KIF13A: variants seen among roughly 807,000 people sequenced by gnomAD.
The protein encoded by KIF13A is kinesin family member 13A, also known as kinesin-like protein KIF13A.
Under a neutral mutation model 212.2 loss-of-function variants are expected in KIF13A, and 79 were observed. The ratio of observed to expected loss-of-function variants is 0.37; its 90% CI spans 0.31 to 0.45. KIF13A has a LOEUF of 0.45. Among genes scored for constraint, KIF13A ranks in the 20% least tolerant of loss-of-function variants. KIF13A has a pLI of 1.00. For synonymous variants in KIF13A, 789 were observed against 808.6 expected, an observed-to-expected ratio of 0.98 and a Z score of 0.41; for missense variants, 1,901 against 2,209.0, an observed-to-expected ratio of 0.86 and a Z score of 2.79.
rs1766805208 is a variant in KIF13A at position 17,844,218 on chromosome 6, G to A, written c.830+5159C>T. ...TGAGTAAAGGACAGTACCATCACAT[G>A]ACAGGAGAGCAAAGAAAATGGTAAT... On this transcript the variant is annotated intron_variant, in intron 9 of 38. Transcript: ENST00000259711. 1.3e-5 allele frequency among the ~76,000 whole-genome samples: 2 copies of A among 152,122 alleles called. 1 individual carries two copies. The highest frequency in any genetic ancestry group is 4.1e-4 in the South Asian group (2 of 4,834).
chr6:17,822,005 G>C (rs1562017646), intron 16 of KIF13A: 1 of 1,301,808 alleles, frequency 7.7e-7, no homozygotes, highest in Middle Eastern at 2.3e-4. Context: ...AGCTCCACTG[G>C]AACTGGGTAA....
chr6:17,916,003 C>G (rs182649624), intron 2 of KIF13A, among the ~76,000 whole-genome samples: 9 of 151,778 alleles, frequency 5.9e-5, no homozygotes, highest in African/African-American at 1.9e-4. Flanking sequence ...AATCCCATGT[C>G]TATTACAAAT....
At chr6:17,893,711 G>A (rs1270284016) in intron 3 of KIF13A, among the ~76,000 whole-genome samples, 1 of 151,446 alleles carries the variant, frequency 6.6e-6, no homozygotes, top group African/African-American at 2.4e-5. Context: ...GATGTCAGAT[G>A]TAGATTTCTC....
intron 2 of KIF13A, among the ~76,000 whole-genome samples, chr6:17,962,777 G>A (rs1182703816): frequency 6.6e-6 from 1 of 150,538 alleles, no homozygotes. Flanking sequence ...TACATTGGAG[G>A]TGTAACACAG....
intron 18 of KIF13A, among the ~76,000 whole-genome samples, 187 bp from the exon 19 acceptor site, chr6:17,805,802 C>T (rs1773118774): frequency 6.6e-6 from 1 of 152,090 alleles, no homozygotes; most frequent in African/African-American, 2.4e-5. Context: ...CTCATGCACA[C>T]TTTTTAATTT....
intron 9 of KIF13A, among the ~76,000 whole-genome samples, chr6:17,845,472 A>G (rs971790578): frequency 3.5e-4 from 54 of 152,228 alleles, no homozygotes; most frequent in Non-Finnish European, 4.1e-4. Flanking sequence ...TATTGATAAG[A>G]TGTTAGCTTA....
At position 17,828,140 on chromosome 6, in the gene KIF13A, CTTAACT is replaced by C. The variant is rs910962337; in HGVS notation, c.1532+94_1532+99del. The C allele has an allele frequency of 2.4e-5, 30 of 1,267,314 alleles. No homozygotes were observed. In the African/African-American group the frequency reaches 4.1e-4, roughly 17 times the overall value. 78.5% of individuals were successfully genotyped at this position (1,267,314 alleles called of 1,614,324 possible). ...GGCCCCCTGAGGACCCCCATGTATC[CTTAACT>C]TTAATATAGCTGAAAGCAAACAGAA... On this transcript the variant is annotated intron_variant, in intron 14 of 38. Coordinates refer to ENST00000259711, the MANE Select transcript of KIF13A (RefSeq NM_022113.6). The surrounding 1 kb of genome is among the most constrained non-coding windows in gnomAD (Gnocchi z 4.3).
intron 3 of KIF13A, among the ~76,000 whole-genome samples, chr6:17,875,983 G>T (rs1015697897): frequency 1.3e-5 from 2 of 152,116 alleles, no homozygotes; most frequent in African/African-American, 4.8e-5. Context: ...AGACTTTTCA[G>T]AAATGAAGTC....
At chr6:17,808,362 G>A (rs1763157016) in intron 18 of KIF13A, among the ~76,000 whole-genome samples, 1 of 150,162 alleles carries the variant, frequency 6.7e-6, no homozygotes, top group African/African-American at 2.5e-5. Context: ...CTCCAGCCTG[G>A]GTGACAGAGC....
chr6:17,812,033 CTTTTCCTTTCT>C (rs1265071134), intron 17 of KIF13A: 5 of 152,136 alleles, frequency 3.3e-5, no homozygotes, highest in East Asian at 3.9e-4. Flanking sequence ...GACTTCTACA[CTTTTCCTTTCT>C]TTTAAGAATT....
chr6:17,876,885 T>G (rs975957522), intron 3 of KIF13A, among the ~76,000 whole-genome samples: 4 of 152,194 alleles, frequency 2.6e-5, no homozygotes, highest in African/African-American at 9.6e-5. Flanking sequence ...TCCTCCCACC[T>G]TGGCTTCCCA....
At position 17,825,891 on chromosome 6, in the gene KIF13A, A is replaced by G. The variant is rs1764921958; in HGVS notation, c.1663T>C (p.Phe555Leu). 2 of 1,614,020 alleles carry G rather than the reference A, an allele frequency of 1.2e-6. No homozygotes were observed. The highest frequency in any genetic ancestry group is 1.7e-6 in the Non-Finnish European group (2 of 1,179,886). ...TCTGGCGGGCCCGTTTCTTTTTCAA[A>G]GTCTTTCAACCAATCTCGACGTTTC... Reference protein sequence around the residue: ...KRKRRDWLKDFEKETGPPEHD... With the variant: ...KRKRRDWLKDLEKETGPPEHD... Residue 555 changes from phenylalanine to leucine, a missense_variant, in exon 16 of 39, where the codon TTT becomes CTT. This residue lies in a region of KIF13A where 534 missense variants were observed against 536.9 expected (regional missense o/e 0.99). Coordinates refer to ENST00000259711, the MANE Select transcript of KIF13A (RefSeq NM_022113.6). This position sits in a 1 kb window ranked among gnomAD's most constrained non-coding sequence, Gnocchi z 4.5.
chr6:17,878,698 T>A (rs138825427), intron 3 of KIF13A, among the ~76,000 whole-genome samples: 115 of 152,344 alleles, frequency 7.5e-4, no homozygotes, highest in Non-Finnish European at 1.4e-3. Context: ...GGTCTACCTG[T>A]CAGTAAGAAT....
In KIF13A at chr6:17,838,265, G is replaced by A. The variant is rs1001329389; in HGVS notation, c.831-682C>T. ...GAACCCGGGAGGCGGAGGCTGCAGT[G>A]AGCCAAGATCGCGCCACTGTACTCC... On this transcript the variant is annotated intron_variant, in intron 9 of 38. Coordinates refer to ENST00000259711, the MANE Select transcript of KIF13A (RefSeq NM_022113.6). This position sits in a 1 kb window ranked among gnomAD's most constrained non-coding sequence, Gnocchi z 4.2. Among the ~76,000 whole-genome samples, 3 of 151,062 alleles carry A rather than the reference G, an allele frequency of 2.0e-5. No homozygotes were observed. Among genetic ancestry groups the A allele is most frequent in the African/African-American group, 7.3e-5 (3 of 41,058 alleles).
chr6:17,803,848 T>C (rs1455802087), intron 20 of KIF13A, among the ~76,000 whole-genome samples: 1 of 152,036 alleles, frequency 6.6e-6, no homozygotes, highest in Non-Finnish European at 1.5e-5. Context: ...AATGTTATAA[T>C]AATCTTTTAA....
chr6:17,937,243 T>C (rs1013981317), intron 2 of KIF13A, among the ~76,000 whole-genome samples: 3 of 152,166 alleles, frequency 2.0e-5, no homozygotes, highest in Non-Finnish European at 4.4e-5. Context: ...CAACCAACCC[T>C]TTCAAGTGGA....
rs143934031 is a variant in KIF13A at position 17,907,234 on chromosome 6, C to T, written c.147-9054G>A. On this transcript the variant is annotated intron_variant, in intron 2 of 38. Coordinates refer to ENST00000259711, the MANE Select transcript of KIF13A (RefSeq NM_022113.6). ...ACTGAGGAACAAGGTATACAGATTGCATGACTTTCACAAGATCATAGTTAA... is the reference window on the plus strand; with the variant it reads ...ACTGAGGAACAAGGTATACAGATTGTATGACTTTCACAAGATCATAGTTAA... 3.3e-5 allele frequency among the ~76,000 whole-genome samples: 5 copies of T among 152,240 alleles called. No individual in the cohort carries two copies. In the East Asian group the frequency reaches 7.7e-4, roughly 24 times the overall value.
Position 17,898,135 on chromosome 6 carries a change from A to C in KIF13A, c.159+33T>G, listed in dbSNP as rs756822253. 8.1e-6 allele frequency: 13 copies of C among 1,608,432 alleles called. No individual in the cohort carries two copies. In the African/African-American group the frequency reaches 1.7e-4, roughly 22 times the overall value. Reference sequence around the variant, plus strand: ...ATCCTGGATTTTTGCACACTAAGCCAGTATACATGCCAAATTTCATATTAG... The same window carrying C: ...ATCCTGGATTTTTGCACACTAAGCCCGTATACATGCCAAATTTCATATTAG... On this transcript the variant is annotated intron_variant, in intron 3 of 38. Transcript: ENST00000259711. This position sits in a 1 kb window ranked among gnomAD's most constrained non-coding sequence, Gnocchi z 5.2.
At chr6:17,974,158 T>C (rs1228560839) in intron 2 of KIF13A, among the ~76,000 whole-genome samples, 1 of 152,192 alleles carries the variant, frequency 6.6e-6, no homozygotes, top group Non-Finnish European at 1.5e-5. Flanking sequence ...CTCAGCTCAC[T>C]GCAACCTCCA....
Sources: allele counts gnomAD v4.1 joint callset (sites outside exome capture counted in the v4.1 genomes callset), GRCh38; gene constraint gnomAD v4.1.1; regional missense constraint gnomAD v4.1.1; non-coding constraint Gnocchi (gnomAD v3.1); transcripts MANE v1.5; gene names NCBI Gene and HGNC (gene_info 2026-07-23, HGNC 2026-07-21).